Variants in ZYG11A observed in about 807,000 individuals in gnomAD.
ZYG11A encodes zyg-11 family member A, cell cycle regulator.
A neutral mutation model predicts 77.2 loss-of-function variants in ZYG11A; 62 were observed. That is an observed-to-expected ratio of 0.80 (90% CI 0.65 to 0.99). ZYG11A has a LOEUF of 0.99. Among genes scored for constraint, ZYG11A ranks in the 50% least tolerant of loss-of-function variants. The pLI is 0.00. For missense variants in ZYG11A, 828 were observed against 896.8 expected (o/e 0.92, Z 0.98); for synonymous variants, 315 against 324.6 (o/e 0.97, Z 0.32).
chr1:52,886,364 T>A (rs1255286648), intron 12 of ZYG11A, among the ~76,000 whole-genome samples: 2 of 152,182 alleles, frequency 1.3e-5, no homozygotes, highest in Non-Finnish European at 2.9e-5. Flanking sequence ...TTTCCTTGTC[T>A]GTAAAATGAG....
At chr1:52,889,797 T>C (rs1280476191) in intron 13 of ZYG11A, among the ~76,000 whole-genome samples, 4 of 151,518 alleles carry the variant, frequency 2.6e-5, no homozygotes, top group African/African-American at 7.3e-5. Context: ...CTGCAAGCTC[T>C]GCCTCCCGGG....
chr1:52,847,411 G>T (rs1481342790), intron 1 of ZYG11A, among the ~76,000 whole-genome samples: 1 of 151,686 alleles, frequency 6.6e-6, no homozygotes, highest in African/African-American at 2.4e-5. Context: ...TGTTGGTCAG[G>T]CTGGTCTCGA....
intron 1 of ZYG11A, among the ~76,000 whole-genome samples, chr1:52,845,154 G>C (rs551577966): frequency 1.1e-4 from 16 of 152,060 alleles, no homozygotes; most frequent in South Asian, 2.1e-4. Flanking sequence ...TGTCCATCTT[G>C]ATCTCTAGCA....
chr1:52,864,497 GCAGA>G lies in ZYG11A; in HGVS notation c.1326+343_1326+346del, dbSNP rs199688262. Among the ~76,000 whole-genome samples the G allele has an allele frequency of 7.9e-3, 1,201 of 152,222 alleles. 17 individuals are homozygous for G. The Middle Eastern group carries it at 0.13, about 17-fold the overall frequency. On this transcript the variant is annotated intron_variant, in intron 5 of 13. Transcript: ENST00000371528. ...CTGGCCTCATGAGCCATGGCATACG[GCAGA>G]CAATTTGTGTTTTCTAACTTTAGGA...
rs370400869 is a variant in ZYG11A at position 52,881,500 on chromosome 1, T to G, written c.1779T>G (p.Ser593=). ...ACATAGCAGAAGTCAGAGAGCTCTCTTCCAAGCTGGTGACCGAAGATGTGC... is the reference window on the plus strand; with the variant it reads ...ACATAGCAGAAGTCAGAGAGCTCTCGTCCAAGCTGGTGACCGAAGATGTGC... ...LNNIAEVREL[S]SKLVTEDVLK... Residue 593 remains serine (S), a synonymous_variant, in exon 11 of 14, where the codon TCT becomes TCG. Transcript: ENST00000371528. 3,446 of 1,551,474 alleles carry G rather than the reference T, an allele frequency of 2.2e-3. 5 individuals are homozygous for G. The highest frequency in any genetic ancestry group is 2.8e-3 in the Non-Finnish European group (3,174 of 1,146,860).
In ZYG11A at chr1:52,857,260, A is replaced by G; in HGVS notation, c.519A>G (p.Arg173=). Residue 173 remains arginine (R), a synonymous_variant, in exon 3 of 14, where the codon AGA becomes AGG. Transcript: ENST00000371528. ...CGACAAGCATCCCTCAAAATTCAAG[A>G]TTACTGTTCTTTAGTCAGCTCACTG... The part of the protein sequence containing the change: ...LDSTSIPQNS[R]LLFFSQLTGL... 1.9e-6 allele frequency: 3 copies of G among 1,552,142 alleles called. No individual in the cohort carries two copies. Among genetic ancestry groups the G allele is most frequent in the Non-Finnish European group, 2.6e-6 (3 of 1,147,132 alleles).
chr1:52,885,791 G>C, intron 11 of ZYG11A, 42 bp from the exon 12 acceptor site: 1 of 1,400,780 alleles, frequency 7.1e-7, no homozygotes, highest in South Asian at 1.3e-5. Context: ...GTAAATGATG[G>C]ATTATTCAAA....
intron 8 of ZYG11A, 53 bp downstream of exon 8, chr1:52,867,830 A>G: frequency 7.1e-7 from 1 of 1,414,184 alleles, no homozygotes; most frequent in Non-Finnish European, 9.7e-7. Context: ...CAAATTTATG[A>G]TTATAGCTTA....
chr1:52,859,493 G>T (rs762702168), intron 3 of ZYG11A, among the ~76,000 whole-genome samples: 4 of 151,212 alleles, frequency 2.6e-5, no homozygotes, highest in Non-Finnish European at 5.9e-5. Context: ...CCACCACCAC[G>T]CCTGGCTAAT....
intron 5 of ZYG11A, among the ~76,000 whole-genome samples, chr1:52,865,633 C>T (rs1472638559): frequency 1.3e-5 from 2 of 152,082 alleles, no homozygotes; most frequent in African/African-American, 4.8e-5. Flanking sequence ...ACTTGGCACA[C>T]AGAGATGAAG....
chr1:52,888,529 T>C (rs1646486290), intron 13 of ZYG11A, among the ~76,000 whole-genome samples: 1 of 152,158 alleles, frequency 6.6e-6, no homozygotes, highest in East Asian at 1.9e-4. Flanking sequence ...GGCTAATTTT[T>C]GTATTTTTGT....
chr1:52,881,588 A>T lies in ZYG11A; in HGVS notation c.1867A>T (p.Ile623Phe), dbSNP rs768062291. 13 of 1,552,346 alleles carry T rather than the reference A, an allele frequency of 8.4e-6. No individual in the cohort carries two copies. The South Asian group carries it at 1.5e-4, about 18-fold the overall frequency. ...GGAAGTCAGCTATTTTGCTGCAGGT[A>T]TCATAGCCCACCTGACATCTGACAG... ...EMEVSYFAAGIIAHLTSDRQL... is the reference protein window; with the variant it reads ...EMEVSYFAAGFIAHLTSDRQL... The change falls in exon 11 of 14, where the codon ATC (isoleucine) becomes TTC (phenylalanine). Residue 623 changes from isoleucine (I) to phenylalanine (F), a missense_variant. Ile to Phe is a conservative substitution (Grantham distance 21). Transcript: ENST00000371528.
At chr1:52,858,286 C>G (rs138850299) in intron 3 of ZYG11A, among the ~76,000 whole-genome samples, 1 of 149,730 alleles carries the variant, frequency 6.7e-6, no homozygotes, top group South Asian at 2.2e-4. Context: ...GTCCCAGCTA[C>G]TTGGGAGGCT....
At chr1:52,845,459 C>G (rs1645548067) in intron 1 of ZYG11A, among the ~76,000 whole-genome samples, 1 of 151,692 alleles carries the variant, frequency 6.6e-6, no homozygotes, top group Non-Finnish European at 1.5e-5. Context: ...GTGTGTGCCA[C>G]CATTTCCTGG....
intron 3 of ZYG11A, among the ~76,000 whole-genome samples, 159 bp downstream of exon 3, chr1:52,857,908 T>C (rs751711285): frequency 2.0e-4 from 30 of 152,182 alleles, no homozygotes; most frequent in Admixed American, 4.6e-4. Flanking sequence ...GTACCTACTA[T>C]GTGGAAGGTT....
chr1:52,842,938 G>A lies in ZYG11A; in HGVS notation c.55G>A (p.Ala19Thr). The A allele has an allele frequency of 6.5e-7, 1 of 1,529,836 alleles. No homozygotes were observed. The highest frequency in any genetic ancestry group is 8.8e-7 in the Non-Finnish European group (1 of 1,138,026). 94.8% of individuals were successfully genotyped at this position (1,529,836 alleles called of 1,614,324 possible). A position where few individuals can be genotyped will look rare whatever the true frequency, so the allele number is the denominator to read the frequency against. Residue 19 changes from alanine (A) to threonine (T), a missense_variant, in exon 1 of 14, where the codon GCT (alanine) becomes ACT (threonine). Physicochemically the swap from Ala to Thr is moderately conservative, Grantham distance 58. Coordinates refer to ENST00000371528, the MANE Select transcript of ZYG11A (RefSeq NM_001004339.3). ...GCCCCGGAACATCGTCCCTCCTGAC[G>A]CTCAGAAGGATGCCCTGGGCTGCTG... ...HTPRNIVPPD[A>T]QKDALGCCVV...
At chr1:52,891,081 G>A (rs1646535371) in intron 13 of ZYG11A, among the ~76,000 whole-genome samples, 3 of 151,602 alleles carry the variant, frequency 2.0e-5, no homozygotes, top group Admixed American at 2.0e-4. Context: ...TGTATTTTTA[G>A]TAGAGAAGGG....
intron 6 of ZYG11A, 56 bp downstream of exon 6, chr1:52,866,623 A>G (rs987338104): frequency 3.9e-5 from 41 of 1,050,392 alleles, no homozygotes; most frequent in Non-Finnish European, 5.6e-5. Flanking sequence ...TATTAAATGC[A>G]GAGGCCTGAT....
Position 52,842,937 on chromosome 1 carries a change from C to A in ZYG11A, c.54C>A (p.Asp18Glu). Reference sequence around the variant, plus strand: ...CGCCCCGGAACATCGTCCCTCCTGACGCTCAGAAGGATGCCCTGGGCTGCT... The same window carrying A: ...CGCCCCGGAACATCGTCCCTCCTGAAGCTCAGAAGGATGCCCTGGGCTGCT... ...GHTPRNIVPPDAQKDALGCCV... is the reference protein window; with the variant it reads ...GHTPRNIVPPEAQKDALGCCV... Residue 18 changes from aspartate to glutamate, a missense_variant, in exon 1 of 14, where the codon GAC (aspartate) becomes GAA (glutamate). Physicochemically the swap from Asp to Glu is conservative, Grantham distance 45. Coordinates refer to ENST00000371528, the MANE Select transcript of ZYG11A (RefSeq NM_001004339.3). The A allele has an allele frequency of 6.5e-7, 1 of 1,529,884 alleles. No individual in the cohort carries two copies. The highest frequency in any genetic ancestry group is 8.8e-7 in the Non-Finnish European group (1 of 1,138,022). 94.8% of individuals were successfully genotyped at this position (1,529,884 alleles called of 1,614,324 possible).
Sources: gnomAD v4.1 joint callset for allele counts (sites outside exome capture counted in the v4.1 genomes callset) on GRCh38, gnomAD v4.1.1 for gene constraint, MANE v1.5 for transcripts, NCBI Gene and HGNC (gene_info 2026-07-23, HGNC 2026-07-21) for gene names.